RFWD3: variants seen among roughly 807,000 people sequenced by gnomAD.
RFWD3 encodes ring finger and WD repeat domain 3.
Under a neutral mutation model 87.7 loss-of-function variants are expected in RFWD3, and 65 were observed. The ratio of observed to expected loss-of-function variants is 0.74; its 90% CI spans 0.61 to 0.91. The LOEUF is 0.91. RFWD3 is among the 40% of genes least tolerant of loss of function. The pLI, the probability that RFWD3 is intolerant of heterozygous loss-of-function variation, is 0.00. For synonymous variants in RFWD3, 433 were observed against 352.8 expected (o/e 1.23, Z -2.55); for missense variants, 1,078 against 938.5 (o/e 1.15, Z -1.94).
chr16:74,661,600 A>G, intron 1 of RFWD3, 149 bp from the exon 2 acceptor site: 1 of 762,906 alleles, frequency 1.3e-6, no homozygotes. Context: ...TAACTACTTA[A>G]GTCAGAAGTG....
intron 7 of RFWD3, 99 bp from the exon 8 acceptor site, chr16:74,636,676 A>G: frequency 1.1e-6 from 1 of 915,790 alleles, no homozygotes; most frequent in Non-Finnish European, 1.6e-6. Context: ...TTTATCCATT[A>G]TATGAAAGTG....
rs978543103 is a variant in RFWD3, at chr16:74,649,188, C to T, written c.736G>A (p.Val246Ile). The T allele has an allele frequency of 1.9e-6, 3 of 1,563,280 alleles. No individual in the cohort carries two copies. Among genetic ancestry groups the T allele is most frequent in the East Asian group, 2.5e-5 (1 of 40,772 alleles). The change falls in exon 4 of 13, where the codon GTC (valine) becomes ATC (isoleucine). Residue 246 changes from valine to isoleucine, a missense_variant. Physicochemically the swap from Val to Ile is conservative, Grantham distance 29. Coordinates refer to ENST00000361070, the MANE Select transcript of RFWD3 (RefSeq NM_018124.4). Reference sequence around the variant, plus strand: ...CATGTAACTTCTTGCTCTGCTGAGACACCTGCTAGTTGCTCTGCCAAGTCA... The same window carrying T: ...CATGTAACTTCTTGCTCTGCTGAGATACCTGCTAGTTGCTCTGCCAAGTCA... ...AVILEEQLAGVSAEQEVTCID... is the reference protein window; with the variant it reads ...AVILEEQLAGISAEQEVTCID...
chr16:74,662,121 C>T (rs1010932180), intron 1 of RFWD3, among the ~76,000 whole-genome samples: 27 of 151,860 alleles, frequency 1.8e-4, no homozygotes, highest in African/African-American at 6.3e-4. Context: ...TTGAAAACTA[C>T]CACCTAGTTT....
At chr16:74,660,739 C>T in intron 2 of RFWD3, 193 bp downstream of exon 2, 1 of 598,786 alleles carries the variant, frequency 1.7e-6, no homozygotes, top group Non-Finnish European at 2.9e-6. Context: ...GTTTTCAAGG[C>T]ACAACAGTTT....
At chr16:74,630,986 T>C in intron 9 of RFWD3, 29 bp from the exon 10 acceptor site, 2 of 1,573,098 alleles carry the variant, frequency 1.3e-6, no homozygotes, top group Non-Finnish European at 1.7e-6. Context: ...CTTTTACAAC[T>C]GCATTAAGAA....
intron 6 of RFWD3, among the ~76,000 whole-genome samples, chr16:74,639,729 T>C (rs886145897): frequency 2.0e-5 from 3 of 152,176 alleles, no homozygotes; most frequent in African/African-American, 7.2e-5. Context: ...AAAAATACTT[T>C]TGCAGAACAA....
chr16:74,643,488 G>C (rs1361448207), intron 6 of RFWD3, among the ~76,000 whole-genome samples: 1 of 152,010 alleles, frequency 6.6e-6, no homozygotes, highest in Non-Finnish European at 1.5e-5. Flanking sequence ...TCTTTAGAAT[G>C]CCTGAACAAT....
chr16:74,636,779 T>C (rs145904981), intron 7 of RFWD3, among the ~76,000 whole-genome samples: 2,201 of 151,786 alleles, frequency 0.015, 53 homozygotes, highest in African/African-American at 0.05. Context: ...AGTGGGACCA[T>C]GTTGGCTCAC....
chr16:74,651,732 C>G (rs1279275466), intron 3 of RFWD3, among the ~76,000 whole-genome samples, 188 bp downstream of exon 3: 1 of 152,172 alleles, frequency 6.6e-6, no homozygotes, highest in East Asian at 1.9e-4. Flanking sequence ...TTACATTAAG[C>G]TGTAAGTCAG....
chr16:74,636,547 G>A lies in RFWD3; in HGVS notation c.1225C>T (p.Gln409Ter). 1 of 1,613,820 alleles carries A rather than the reference G, an allele frequency of 6.2e-7. No homozygotes were observed. Among genetic ancestry groups the A allele is most frequent in the Non-Finnish European group, 8.5e-7 (1 of 1,180,014 alleles). Residue 409 changes from glutamine to a stop codon, truncating the protein, a stop_gained, in exon 8 of 13, where the codon CAG (glutamine) becomes TAG (stop). Coordinates refer to ENST00000361070, the MANE Select transcript of RFWD3 (RefSeq NM_018124.4). LOFTEE classifies it high-confidence loss of function. ...DLQKLTSHQS[Q>*]NLQQPRGSQA... is the part of the protein sequence containing the mutation. ...GAGCCCCTGGGTTGCTGTAAATTCT[G>A]ACTTTGATGTGACGTAAGTTTTTGC...
At chr16:74,663,926 A>G (rs1234064591) in intron 1 of RFWD3, among the ~76,000 whole-genome samples, 1 of 152,228 alleles carries the variant, frequency 6.6e-6, no homozygotes, top group Non-Finnish European at 1.5e-5. Flanking sequence ...AAGCCAGTAA[A>G]GCAGTTAGCT....
intron 6 of RFWD3, among the ~76,000 whole-genome samples, chr16:74,642,017 A>T (rs78664779): frequency 0.018 from 2,775 of 152,078 alleles, 39 homozygotes; most frequent in Non-Finnish European, 0.027. Flanking sequence ...TTACAAATAC[A>T]TATATAGCTA....
intron 4 of RFWD3, among the ~76,000 whole-genome samples, chr16:74,647,622 T>A (rs376521680): frequency 6.6e-6 from 1 of 151,696 alleles, no homozygotes; most frequent in East Asian, 2.0e-4. Flanking sequence ...GATGAAGTCG[T>A]GCTCCGTCTC....
chr16:74,646,497 GAATT>G (rs1168839778), intron 4 of RFWD3, among the ~76,000 whole-genome samples: 2 of 152,092 alleles, frequency 1.3e-5, no homozygotes, highest in African/African-American at 2.4e-5. Context: ...ATAAGAAAAA[GAATT>G]AATTCGCTGG....
chr16:74,659,945 T>C (rs1961295549), intron 2 of RFWD3, among the ~76,000 whole-genome samples: 1 of 152,004 alleles, frequency 6.6e-6, no homozygotes, highest in Admixed American at 6.6e-5. Context: ...CAGTTAATCA[T>C]CAAGAGGCTG....
At chr16:74,646,474 C>T (rs1416091309) in intron 4 of RFWD3, among the ~76,000 whole-genome samples, 2 of 152,046 alleles carry the variant, frequency 1.3e-5, no homozygotes, top group Non-Finnish European at 2.9e-5. Flanking sequence ...ATACACCAAC[C>T]ATGCTTTACA....
Position 74,661,292 on chromosome 16 carries a change from A to T in RFWD3, c.158T>A (p.Leu53His). The change falls in exon 2 of 13, where the codon CTC becomes CAC. Residue 53 changes from leucine to histidine, a missense_variant. Leu to His is a moderately conservative substitution (Grantham distance 99, BLOSUM62 -3). Transcript: ENST00000361070. Reference sequence around the variant, plus strand: ...GATCACCTCAGCAGGAGCTGGCTGGAGGATGGATGGTACCCCCTGGCTGCT... The same window carrying T: ...GATCACCTCAGCAGGAGCTGGCTGGTGGATGGATGGTACCCCCTGGCTGCT... ...VVSSQGVPSI[L>H]QPAPAEVISS... is the part of the protein sequence containing the mutation. 6.2e-7 allele frequency: 1 copy of T among 1,613,942 alleles called. No individual in the cohort carries two copies. Among genetic ancestry groups the T allele is most frequent in the Non-Finnish European group, 8.5e-7 (1 of 1,179,966 alleles).
intron 6 of RFWD3, chr16:74,643,965 C>T (rs113761295): frequency 2.7e-4 from 67 of 250,860 alleles, no homozygotes; most frequent in African/African-American, 1.4e-3. Flanking sequence ...GCGTGAGCCA[C>T]CATGCCCGGC....
intron 12 of RFWD3, 72 bp downstream of exon 12, chr16:74,626,271 T>G (rs1222122486): frequency 9.3e-6 from 13 of 1,392,598 alleles, no homozygotes; most frequent in African/African-American, 1.4e-5. Flanking sequence ...GTAAAAAAAG[T>G]TCATGTTTTC....
Sources: gnomAD v4.1 joint callset for allele counts (sites outside exome capture counted in the v4.1 genomes callset) on GRCh38, gnomAD v4.1.1 for gene constraint, MANE v1.5 for transcripts, NCBI Gene and HGNC (gene_info 2026-07-23, HGNC 2026-07-21) for gene names.